KEAP1: variants seen among roughly 807,000 people sequenced by gnomAD.
KEAP1 encodes kelch like ECH associated protein 1, also known as kelch-like ECH-associated protein 1.
In KEAP1, 26 loss-of-function variants were observed where a neutral mutation model predicts 59.7. The ratio of observed to expected loss-of-function variants is 0.44; its 90% CI spans 0.32 to 0.60. The LOEUF is 0.60. KEAP1 is among the 20% of genes least tolerant of loss of function. The pLI is 0.06. For missense variants in KEAP1, 539 were observed against 871.4 expected (o/e 0.62, Z 4.80); for synonymous variants, 350 against 358.3 (o/e 0.98, Z 0.26).
At chr19:10,487,217 G>A (rs796835243) in intron 5 of KEAP1, among the ~76,000 whole-genome samples, 54 of 151,964 alleles carry the variant, frequency 3.6e-4, no homozygotes, top group African/African-American at 1.2e-3. Flanking sequence ...TTGGTGGTGC[G>A]CGCCTGTAGT....
chr19:10,502,382 C>T lies in KEAP1; in HGVS notation c.-48+859G>A, dbSNP rs1199701975. The T allele has an allele frequency of 6.6e-6, 1 of 152,342 alleles. No individual in the cohort carries two copies. The highest frequency in any genetic ancestry group is 1.5e-5 in the Non-Finnish European group (1 of 68,146). The allele number at this position is 152,342 out of a possible 1,614,324, so 9.4% of individuals were successfully genotyped here. On this transcript the variant is annotated intron_variant, in intron 1 of 5. Transcript: ENST00000171111. The surrounding 1 kb of genome is among the most constrained non-coding windows in gnomAD (Gnocchi z 4.0). ...CAGGCCCAGTGAGGCGAGGAAGTGA[C>T]CCCACCGCGGCCTCTCGGCTGCCAA...
At position 10,499,374 on chromosome 19, in the gene KEAP1, C is replaced by T; in HGVS notation, c.639+21G>A. On this transcript the variant is annotated intron_variant, in intron 2 of 5. Coordinates refer to ENST00000171111, the MANE Select transcript of KEAP1 (RefSeq NM_203500.2). This position sits in a 1 kb window ranked among gnomAD's most constrained non-coding sequence, Gnocchi z 6.7. ...CTGGTCCTTCTCCTGACACTGCCCC[C>T]AGCCCCACTTCCCCGCTCACCTCCC... is the stretch of plus-strand genomic sequence containing the variant. The T allele has an allele frequency of 1.3e-6, 2 of 1,550,480 alleles. No homozygotes were observed.
chr19:10,502,986 G>A lies in KEAP1; in HGVS notation c.-48+255C>T, dbSNP rs1021256667. Reference sequence around the variant, plus strand: ...GACCCTGAGCGCGCTTAGCCGCGTGGTCCGAGTCGCGGGGAGTCTGAACCC... The same window carrying A: ...GACCCTGAGCGCGCTTAGCCGCGTGATCCGAGTCGCGGGGAGTCTGAACCC... On this transcript the variant is annotated intron_variant, in intron 1 of 5. Coordinates refer to ENST00000171111, the MANE Select transcript of KEAP1 (RefSeq NM_203500.2). The surrounding 1 kb of genome is among the most constrained non-coding windows in gnomAD (Gnocchi z 4.0). The A allele has an allele frequency of 6.6e-5, 10 of 152,014 alleles. No individual in the cohort carries two copies. Among genetic ancestry groups the A allele is most frequent in the African/African-American group, 2.4e-4 (10 of 41,410 alleles). The allele number at this position is 152,014 out of a possible 1,614,324, so 9.4% of individuals were successfully genotyped here. A position where few individuals can be genotyped will look rare whatever the true frequency, so the allele number is the denominator to read the frequency against.
chr19:10,491,751 G>A lies in KEAP1; in HGVS notation c.1151C>T (p.Pro384Leu), dbSNP rs1365381442. 22 of 1,567,504 alleles carry A rather than the reference G, an allele frequency of 1.4e-5. No homozygotes were observed. The highest frequency in any genetic ancestry group is 1.8e-5 in the Non-Finnish European group (21 of 1,155,868). Residue 384 changes from proline to leucine, a missense_variant, in exon 3 of 6, where the codon CCC becomes CTC. Coordinates refer to ENST00000171111, the MANE Select transcript of KEAP1 (RefSeq NM_203500.2). This position sits in a 1 kb window ranked among gnomAD's most constrained non-coding sequence, Gnocchi z 5.2. ...LYAVGGRNNS[P>L]DGNTDSSALD... ...GGCGCTGGAGTCGGTGTTGCCGTCG[G>A]GCGAGTTGTTCCTGCCGCCCACGGC...
Position 10,486,823 on chromosome 19 carries a change from G to A in KEAP1, c.1709-5C>T, listed in dbSNP as rs748000744. 5.6e-5 allele frequency: 91 copies of A among 1,610,788 alleles called. No homozygotes were observed. The highest frequency in any genetic ancestry group is 8.9e-5 in the East Asian group (4 of 44,806). ...ACGTGTGACCATCATAGCCTCCTGC[G>A]GGAAGAACAGAAGGGATGGTCACCA... On this transcript the variant is annotated splice_region_variant and splice_polypyrimidine_tract_variant and intron_variant, in intron 5 of 5. Transcript: ENST00000171111.
Position 10,486,409 on chromosome 19 carries a change from T to G in KEAP1, c.*243A>C. The G allele has an allele frequency of 2.1e-6, 1 of 470,560 alleles. No individual in the cohort carries two copies. The highest frequency in any genetic ancestry group is 3.8e-5 in the Admixed American group (1 of 26,044). 29.1% of individuals were successfully genotyped at this position (470,560 alleles called of 1,614,324 possible). ...TTTGGGGGCCTCTCTCCTGGAAGCCTGCTCTTTCCACACCCCCTTTCCCAG... is the reference window on the plus strand; with the variant it reads ...TTTGGGGGCCTCTCTCCTGGAAGCCGGCTCTTTCCACACCCCCTTTCCCAG... On this transcript the variant is annotated 3_prime_UTR_variant, in exon 6 of 6. Coordinates refer to ENST00000171111, the MANE Select transcript of KEAP1 (RefSeq NM_203500.2).
intron 5 of KEAP1, among the ~76,000 whole-genome samples, chr19:10,487,572 C>T (rs1914508283): frequency 6.6e-6 from 1 of 151,936 alleles, no homozygotes; most frequent in Non-Finnish European, 1.5e-5. Flanking sequence ...AGGAGAATCG[C>T]TTGAACCCGG....
rs748569997 is a variant in KEAP1, at chr19:10,492,038, G to C, written c.864C>G (p.Cys288Trp). 6.2e-7 allele frequency: 1 copy of C among 1,614,030 alleles called. No homozygotes were observed. The highest frequency in any genetic ancestry group is 8.5e-7 in the Non-Finnish European group (1 of 1,180,040). Residue 288 changes from cysteine to tryptophan, a missense_variant, in exon 3 of 6, where the codon TGC becomes TGG. This residue lies in a region of KEAP1 where 61 missense variants were observed against 129.9 expected (regional missense o/e 0.47). Transcript: ENST00000171111. Reference protein sequence around the residue: ...PNFLQMQLQKCEILQSDSRCK... With the variant: ...PNFLQMQLQKWEILQSDSRCK... ...AGCGGGAGTCGGACTGCAGGATCTC[G>C]CACTTCTGCAGCTGCATCTGCAGGA...
chr19:10,496,908 C>T (rs971665114), intron 2 of KEAP1, among the ~76,000 whole-genome samples: 3 of 146,028 alleles, frequency 2.1e-5, no homozygotes, highest in African/African-American at 7.6e-5. Flanking sequence ...CACCTGAGCT[C>T]AGGGGTTCGA....
Position 10,491,719 on chromosome 19 carries a change from A to C in KEAP1, c.1183T>G (p.Cys395Gly). 6.4e-7 allele frequency: 1 copy of C among 1,567,830 alleles called. No homozygotes were observed. The highest frequency in any genetic ancestry group is 2.3e-5 in the East Asian group (1 of 43,044). Reference sequence around the variant, plus strand: ...CACTGATTGGTCATGGGGTTGTAACAGTCCAGGGCGCTGGAGTCGGTGTTG... The same window carrying C: ...CACTGATTGGTCATGGGGTTGTAACCGTCCAGGGCGCTGGAGTCGGTGTTG... ...DGNTDSSALD[C>G]YNPMTNQWSP... The change falls in exon 3 of 6, where the codon TGT becomes GGT. Residue 395 changes from cysteine (C) to glycine (G), a missense_variant. By Grantham distance (159) the Cys-to-Gly change is radical. Around this residue, in one of 4 missense-constraint regions of KEAP1, gnomAD observed 311 missense variants for 425.2 expected, o/e 0.73. Coordinates refer to ENST00000171111, the MANE Select transcript of KEAP1 (RefSeq NM_203500.2). This position sits in a 1 kb window ranked among gnomAD's most constrained non-coding sequence, Gnocchi z 5.2.
At chr19:10,487,036 TA>T (rs35072591) in intron 5 of KEAP1, among the ~76,000 whole-genome samples, 54,301 of 91,956 alleles carry the variant, frequency 0.59, 15,168 homozygotes, top group Non-Finnish European at 0.63. Context: ...AGTCTCTTAC[TA>T]AAAAAAAAAA....
chr19:10,492,213 G>T lies in KEAP1; in HGVS notation c.689C>A (p.Thr230Asn). 6.2e-7 allele frequency: 1 copy of T among 1,613,978 alleles called. No individual in the cohort carries two copies. The highest frequency in any genetic ancestry group is 2.2e-5 in the East Asian group (1 of 44,868). Residue 230 changes from threonine (T) to asparagine (N), a missense_variant, in exon 3 of 6, where the codon ACC becomes AAC. By Grantham distance (65) the Thr-to-Asn change is moderately conservative. This residue lies in a region of KEAP1 where 61 missense variants were observed against 129.9 expected (regional missense o/e 0.47). Coordinates refer to ENST00000171111, the MANE Select transcript of KEAP1 (RefSeq NM_203500.2). ...FFNLSHCQLV[T>N]LISRDDLNVR... The stretch of plus-strand genomic sequence containing the variant: ...GTTCAGGTCGTCCCGGCTGATGAGG[G>T]TCACCAGTTGGCAGTGGGACAGGTT...
At chr19:10,493,973 GCT>G (rs1302746097) in intron 2 of KEAP1, among the ~76,000 whole-genome samples, 1 of 151,718 alleles carries the variant, frequency 6.6e-6, no homozygotes, top group Non-Finnish European at 1.5e-5. Flanking sequence ...ACACAGTTTT[GCT>G]CTGTCACCTA....
Position 10,489,665 on chromosome 19 carries a change from G to T in KEAP1, c.1514C>A (p.Thr505Asn), listed in dbSNP as rs2144589427. 3.1e-6 allele frequency: 5 copies of T among 1,614,040 alleles called. No individual in the cohort carries two copies. The highest frequency in any genetic ancestry group is 4.2e-6 in the Non-Finnish European group (5 of 1,180,008). ...CCACCCACCTGCCCCGCTTCGGATGGTGTTCATTGCTGTGATCATTCGCCA... is the reference window on the plus strand; with the variant it reads ...CCACCCACCTGCCCCGCTTCGGATGTTGTTCATTGCTGTGATCATTCGCCA... ...NEWRMITAMNTIRSGAGVCVL... is the reference protein window; with the variant it reads ...NEWRMITAMNNIRSGAGVCVL... The change falls in exon 4 of 6, where the codon ACC becomes AAC. Residue 505 changes from threonine (T) to asparagine (N), a missense_variant. By Grantham distance (65) the Thr-to-Asn change is moderately conservative (BLOSUM62 0). Transcript: ENST00000171111.
chr19:10,492,572 C>A (rs1419616308), intron 2 of KEAP1: 1 of 304,970 alleles, frequency 3.3e-6, no homozygotes, highest in African/African-American at 2.2e-5. Flanking sequence ...ACAAAAATTA[C>A]CCGGGTGTGG....
Position 10,489,732 on chromosome 19 carries a change from G to A in KEAP1, c.1447C>T (p.Arg483Cys), listed in dbSNP as rs1412883238. 3.1e-6 allele frequency: 5 copies of A among 1,613,912 alleles called. No individual in the cohort carries two copies. Among genetic ancestry groups the A allele is most frequent in the African/African-American group, 1.3e-5 (1 of 74,892 alleles). The change falls in exon 4 of 6, where the codon CGC becomes TGC. Residue 483 changes from arginine to cysteine, a missense_variant. Transcript: ENST00000171111. ...YAVGGFDGTNRLNSAECYYPE... is the reference protein window; with the variant it reads ...YAVGGFDGTNCLNSAECYYPE... The stretch of plus-strand genomic sequence containing the variant: ...TAGTAACACTCAGCTGAATTAAGGC[G>A]GTTTGTCCCGTCAAAGCCCCCCACG...
At chr19:10,500,830 C>A (rs946677989) in intron 1 of KEAP1, among the ~76,000 whole-genome samples, 2 of 152,010 alleles carry the variant, frequency 1.3e-5, no homozygotes, top group African/African-American at 4.8e-5. Flanking sequence ...CAGGCGTCCG[C>A]CACCACACCC....
chr19:10,488,458 A>G (rs1011029500), intron 5 of KEAP1, among the ~76,000 whole-genome samples: 2 of 151,714 alleles, frequency 1.3e-5, no homozygotes, highest in African/African-American at 4.8e-5. Context: ...ACTAAAATAC[A>G]AAAATTAGCT....
intron 1 of KEAP1, 63 bp from the exon 2 acceptor site, chr19:10,500,143 C>G: frequency 8.2e-7 from 1 of 1,221,084 alleles, no homozygotes; most frequent in Non-Finnish European, 1.1e-6. Context: ...CCTGCCGGGC[C>G]TCGTTTTGCA....
Sources: gnomAD v4.1 joint callset for allele counts (sites outside exome capture counted in the v4.1 genomes callset) on GRCh38, gnomAD v4.1.1 for gene constraint, gnomAD v4.1.1 regional missense constraint, Gnocchi (gnomAD v3.1) non-coding constraint, MANE v1.5 for transcripts, NCBI Gene and HGNC (gene_info 2026-07-23, HGNC 2026-07-21) for gene names.